Variants in DST observed in about 807,000 individuals in gnomAD.
DST encodes the protein dystonin, also known as bullous pemphigoid antigen.
In DST, 253 loss-of-function variants were observed where a neutral mutation model predicts 875.2. The observed-to-expected ratio is 0.29, with a 90% CI of 0.26 to 0.32. DST has a LOEUF of 0.32. DST is among the 10% of genes least tolerant of loss of function. The pLI is 1.00. For synonymous variants in DST, 3,124 were observed against 3,197.1 expected, an observed-to-expected ratio of 0.98 and a Z score of 0.77; for missense variants, 8,287 against 9,111.6, an observed-to-expected ratio of 0.91 and a Z score of 3.68.
At chr6:56,769,891 C>A (rs2099644956) in intron 4 of DST, among the ~76,000 whole-genome samples, 2 of 152,166 alleles carry the variant, frequency 1.3e-5, no homozygotes, top group Admixed American at 1.3e-4. Context: ...ACTTTATTAT[C>A]CATACTCTGC....
intron 3 of DST, among the ~76,000 whole-genome samples, chr6:56,884,172 CT>C (rs1162882869): frequency 6.6e-6 from 1 of 151,580 alleles, no homozygotes; most frequent in East Asian, 1.9e-4. Context: ...CCCACTTTCT[CT>C]TTTTTTTATA....
At chr6:56,586,065 A>C (rs2098141125) in intron 49 of DST, among the ~76,000 whole-genome samples, 1 of 152,112 alleles carries the variant, frequency 6.6e-6, no homozygotes, top group Non-Finnish European at 1.5e-5. Context: ...AAAAAAATGT[A>C]TATTCTGTTG....
intron 4 of DST, among the ~76,000 whole-genome samples, chr6:56,790,583 T>C (rs1190475265): frequency 1.3e-5 from 2 of 152,198 alleles, no homozygotes; most frequent in African/African-American, 2.4e-5. Context: ...CTTTCAGGCT[T>C]CCTCTTAGAA....
chr6:56,552,771 C>T lies in DST; in HGVS notation c.16021G>A (p.Val5341Ile), dbSNP rs779864778. ...LAKRLAQDLV[V>I]EASDSKGTSD... is the part of the protein sequence containing the mutation. ...GTTCCCTTTGAGTCTGAGGCCTCTACCACAAGGTCCTGTGCAAGTCTTTTA... is the reference window on the plus strand; with the variant it reads ...GTTCCCTTTGAGTCTGAGGCCTCTATCACAAGGTCCTGTGCAAGTCTTTTA... Residue 5341 changes from valine to isoleucine, a missense_variant, in exon 61 of 104, where the codon GTA (valine) becomes ATA (isoleucine). Val to Ile is a conservative substitution (Grantham distance 29). This residue lies in a region of DST where 1,513 missense variants were observed against 1,677.8 expected (regional missense o/e 0.90). Coordinates refer to ENST00000680361, the MANE Select transcript of DST (RefSeq NM_001374736.1). 7 of 1,610,290 alleles carry T rather than the reference C, an allele frequency of 4.3e-6. No individual in the cohort carries two copies. The African/African-American group carries it at 5.3e-5, about 12-fold the overall frequency.
intron 34 of DST, among the ~76,000 whole-genome samples, chr6:56,625,495 C>G (rs1281071137): frequency 1.3e-5 from 2 of 151,972 alleles, no homozygotes; most frequent in Non-Finnish European, 2.9e-5. Context: ...GATGGTAGCC[C>G]CATAAAATTA....
At chr6:56,710,582 T>A (rs543457250) in intron 5 of DST, among the ~76,000 whole-genome samples, 5 of 152,144 alleles carry the variant, frequency 3.3e-5, no homozygotes, top group Admixed American at 6.5e-5. Context: ...TTAGACAGCC[T>A]ACTTGAAAAA....
intron 3 of DST, among the ~76,000 whole-genome samples, chr6:56,891,607 A>T (rs994919485): frequency 6.9e-6 from 1 of 144,608 alleles, no homozygotes; most frequent in South Asian, 2.2e-4. Context: ...GCATGCTGGC[A>T]CCTGCCTATA....
At chr6:56,825,420 T>G (rs543791056) in intron 4 of DST, among the ~76,000 whole-genome samples, 1 of 149,776 alleles carries the variant, frequency 6.7e-6, no homozygotes, top group Non-Finnish European at 1.5e-5. Flanking sequence ...CTTGTTTATC[T>G]GCTGACCTTC....
intron 4 of DST, among the ~76,000 whole-genome samples, chr6:56,781,622 G>T (rs2099694172): frequency 6.6e-6 from 1 of 152,156 alleles, no homozygotes; most frequent in African/African-American, 2.4e-5. Flanking sequence ...GAGATTTTAG[G>T]CTGAGACAAT....
Position 56,662,511 on chromosome 6 carries a change from A to G in DST, c.1214+8130T>C, listed in dbSNP as rs9370547. 2.1e-3 allele frequency among the ~76,000 whole-genome samples: 322 copies of G among 152,344 alleles called. 10 individuals are homozygous for G. The East Asian group carries it at 0.049, about 23-fold the overall frequency. On this transcript the variant is annotated intron_variant, in intron 10 of 103. Coordinates refer to ENST00000680361, the MANE Select transcript of DST (RefSeq NM_001374736.1). Reference sequence around the variant, plus strand: ...ACAAGTGCCTGCTGTAGAAATTGCAACTAGGTTTGCCAGTCTCCCATGAAG... The same window carrying G: ...ACAAGTGCCTGCTGTAGAAATTGCAGCTAGGTTTGCCAGTCTCCCATGAAG...
At position 56,617,948 on chromosome 6, in the gene DST, A is replaced by G; in HGVS notation, c.4930-3464T>C. 7 of 1,553,936 alleles carry G rather than the reference A, an allele frequency of 4.5e-6. No individual in the cohort carries two copies. The South Asian group carries it at 6.7e-5, about 15-fold the overall frequency. ...AAGGAAACAAATGAGGAAACTTGAC[A>G]TTAGGTAGCTGATAAGGTCTCAGAA... On this transcript the variant is annotated intron_variant, in intron 36 of 103. Coordinates refer to ENST00000680361, the MANE Select transcript of DST (RefSeq NM_001374736.1).
chr6:56,572,014 T>C, intron 53 of DST, 86 bp downstream of exon 53: 2 of 693,590 alleles, frequency 2.9e-6, no homozygotes, highest in South Asian at 4.0e-5. Context: ...TTCAAAATTG[T>C]TTCAGTTATC....
chr6:56,493,798 T>C (rs1159791742), intron 83 of DST, among the ~76,000 whole-genome samples: 2 of 152,166 alleles, frequency 1.3e-5, no homozygotes, highest in African/African-American at 2.4e-5. Flanking sequence ...TTTATCTATT[T>C]TTGAATATAT....
rs1235729866 is a variant in DST at position 56,532,476 on chromosome 6, G to A, written c.16976C>T (p.Thr5659Met). ...TCCTTCTCGTTTGATTACCTCCACCGTAGATTTTCGGTCATCCAACAATCT... is the reference window on the plus strand; with the variant it reads ...TCCTTCTCGTTTGATTACCTCCACCATAGATTTTCGGTCATCCAACAATCT... ...LQRLLDDRKS[T>M]VEVIKREGEK... The change falls in exon 64 of 104, where the codon ACG becomes ATG. Residue 5659 changes from threonine to methionine, a missense_variant. Physicochemically the swap from Thr to Met is moderately conservative, Grantham distance 81 (BLOSUM62 -1). Around this residue, in one of 10 missense-constraint regions of DST, gnomAD observed 777 missense variants for 764.8 expected, o/e 1.02. Transcript: ENST00000680361. The A allele has an allele frequency of 6.8e-6, 11 of 1,606,304 alleles. No homozygotes were observed. The highest frequency in any genetic ancestry group is 1.6e-4 in the Middle Eastern group (1 of 6,076).
chr6:56,826,013 G>A (rs1423211117), intron 4 of DST, among the ~76,000 whole-genome samples: 2 of 152,194 alleles, frequency 1.3e-5, no homozygotes, highest in African/African-American at 4.8e-5. Flanking sequence ...AAAAAGTAAA[G>A]TTAGATAAGA....
In DST at chr6:56,594,133, G is replaced by C. The variant is rs1463381470; in HGVS notation, c.12256C>G (p.Gln4086Glu). Residue 4086 changes from glutamine to glutamate, a missense_variant, in exon 48 of 104, where the codon CAA (glutamine) becomes GAA (glutamate). This residue lies in a region of DST where 1,513 missense variants were observed against 1,677.8 expected (regional missense o/e 0.90). Coordinates refer to ENST00000680361, the MANE Select transcript of DST (RefSeq NM_001374736.1). ...TGACCCTGTTTCTCAAGCAACACTTGTGCAGACTGAGTGGCTATGATCACT... is the reference window on the plus strand; with the variant it reads ...TGACCCTGTTTCTCAAGCAACACTTCTGCAGACTGAGTGGCTATGATCACT... ...QAVIIATQSA[Q>E]VLLEKQGQYL... 15 of 1,593,662 alleles carry C rather than the reference G, an allele frequency of 9.4e-6. No individual in the cohort carries two copies. The Admixed American group carries it at 2.4e-4, about 26-fold the overall frequency.
At chr6:56,680,825 T>C (rs1242268924) in intron 9 of DST, among the ~76,000 whole-genome samples, 1 of 152,106 alleles carries the variant, frequency 6.6e-6, no homozygotes, top group African/African-American at 2.4e-5. Flanking sequence ...ATCCCAAACC[T>C]TATCCCTAAA....
chr6:56,793,932 T>C (rs1309702429), intron 4 of DST, among the ~76,000 whole-genome samples: 1 of 152,184 alleles, frequency 6.6e-6, no homozygotes, highest in Non-Finnish European at 1.5e-5. Flanking sequence ...GAAAATGGTA[T>C]TTTAAATGTT....
At chr6:56,916,987 TAAAAAAAAAA>T (rs1161421788) in intron 2 of DST, among the ~76,000 whole-genome samples, 3 of 35,544 alleles carry the variant, frequency 8.4e-5, no homozygotes, top group African/African-American at 1.1e-4. Flanking sequence ...CCAGGCATGC[TAAAAAAAAAA>T]AAAAAAAAAA....
Sources: gnomAD v4.1 joint callset for allele counts (sites outside exome capture counted in the v4.1 genomes callset) on GRCh38, gnomAD v4.1.1 for gene constraint, gnomAD v4.1.1 regional missense constraint, MANE v1.5 for transcripts, NCBI Gene and HGNC (gene_info 2026-07-23, HGNC 2026-07-21) for gene names.